The following ABRAXAS1 variants were observed in gnomAD, a reference collection of about 807,000 sequenced individuals.
ABRAXAS1 encodes the protein BRCA1-A complex subunit Abraxas 1.
ABRAXAS1 carries 26 observed loss-of-function variants against 38.4 expected under a neutral mutation model. The observed-to-expected ratio is 0.68, with a 90% CI of 0.50 to 0.94. The LOEUF is 0.94. Among genes scored for constraint, ABRAXAS1 ranks in the 40% least tolerant of loss-of-function variants. ABRAXAS1 has a pLI of 0.00. For synonymous variants in ABRAXAS1, 144 were observed against 165.5 expected (o/e 0.87, Z 1.00); for missense variants, 438 against 481.9 (o/e 0.91, Z 0.85).
intron 1 of ABRAXAS1, among the ~76,000 whole-genome samples, chr4:83,482,993 C>G (rs528074283): frequency 6.6e-6 from 1 of 152,300 alleles, no homozygotes; most frequent in East Asian, 1.9e-4. Flanking sequence ...TGGGACACCC[C>G]GAATGACTAC....
intron 6 of ABRAXAS1, among the ~76,000 whole-genome samples, chr4:83,467,775 G>A (rs1426970552): frequency 1.3e-5 from 2 of 152,152 alleles, no homozygotes; most frequent in African/African-American, 4.8e-5. Context: ...CCAAAAAGGC[G>A]AGGATGGGCG....
chr4:83,470,471 T>C (rs1722539272), intron 4 of ABRAXAS1, 75 bp from the exon 5 acceptor site: 14 of 1,055,174 alleles, frequency 1.3e-5, no homozygotes, highest in Non-Finnish European at 1.7e-5. Flanking sequence ...TTAAATAAAA[T>C]AAACAACCTT....
At chr4:83,463,056 T>A (rs1722200476) in intron 8 of ABRAXAS1, among the ~76,000 whole-genome samples, 154 bp from the exon 9 acceptor site, 1 of 152,254 alleles carries the variant, frequency 6.6e-6, no homozygotes, top group African/African-American at 2.4e-5. Flanking sequence ...CTAATTTATA[T>A]GCCACAGTAT....
intron 2 of ABRAXAS1, chr4:83,477,709 G>A: frequency 1.6e-6 from 1 of 620,164 alleles, no homozygotes; most frequent in South Asian, 1.4e-5. Flanking sequence ...ATAGACGGAT[G>A]TTTCATGCTT....
intron 3 of ABRAXAS1, 151 bp downstream of exon 3, chr4:83,476,492 T>C: frequency 2.0e-6 from 1 of 492,184 alleles, no homozygotes; most frequent in Non-Finnish European, 3.6e-6. Context: ...ACACAAGTGA[T>C]TTTTTCAGCT....
At position 83,470,885 on chromosome 4, in the gene ABRAXAS1, T is replaced by C. The variant is rs551057407; in HGVS notation, c.283-489A>G. Among the ~76,000 whole-genome samples the C allele has an allele frequency of 2.1e-4, 32 of 152,328 alleles. 1 individual carries two copies. The South Asian group carries it at 6.6e-3, about 32-fold the overall frequency. ...CTACCCGACAAACTTGGCTTCAAGA[T>C]TAAGATCACATTAAAGGATTTTGTA... On this transcript the variant is annotated intron_variant, in intron 4 of 8. Coordinates refer to ENST00000321945, the MANE Select transcript of ABRAXAS1 (RefSeq NM_139076.3).
chr4:83,463,026 AACAT>A (rs1722199976), intron 8 of ABRAXAS1, 124 bp from the exon 9 acceptor site: 7 of 651,740 alleles, frequency 1.1e-5, no homozygotes, highest in African/African-American at 9.2e-5. Context: ...AAGTGAGGAT[AACAT>A]ACATAATTCT....
At chr4:83,467,427 G>A (rs1466510665) in intron 7 of ABRAXAS1, 27 bp downstream of exon 7, 1 of 1,206,586 alleles carries the variant, frequency 8.3e-7, no homozygotes, top group South Asian at 1.2e-5. Flanking sequence ...TCTAGAAGTG[G>A]TTGACGTGTT....
rs888359921 is a variant in ABRAXAS1, at chr4:83,460,547, G to A, written c.*1922C>T. 3.0e-5 allele frequency: 6 copies of A among 200,774 alleles called. No homozygotes were observed. The highest frequency in any genetic ancestry group is 2.3e-3 in the Middle Eastern group (1 of 442). The allele number at this position is 200,774 out of a possible 1,614,324, so 12.4% of individuals were successfully genotyped here. A position where few individuals can be genotyped will look rare whatever the true frequency, so the allele number is the denominator to read the frequency against. On this transcript the variant is annotated 3_prime_UTR_variant, in exon 9 of 9. Coordinates refer to ENST00000321945, the MANE Select transcript of ABRAXAS1 (RefSeq NM_139076.3). The stretch of plus-strand genomic sequence containing the variant: ...GAGTGGCAGTGATGGAGACTGTATG[G>A]CCCACAAAACCTAGATTATTATTGT...
intron 1 of ABRAXAS1, among the ~76,000 whole-genome samples, chr4:83,482,487 T>G (rs568276944): frequency 6.6e-6 from 1 of 152,184 alleles, no homozygotes; most frequent in African/African-American, 2.4e-5. Context: ...GGTGGGCAGA[T>G]AGTTTGAACC....
chr4:83,480,959 C>T (rs1722982151), intron 2 of ABRAXAS1, among the ~76,000 whole-genome samples: 1 of 151,936 alleles, frequency 6.6e-6, no homozygotes, highest in Non-Finnish European at 1.5e-5. Flanking sequence ...AATGAAACCC[C>T]ATCTCTAATA....
rs1723133404 is a variant in ABRAXAS1, at chr4:83,485,014, A to G, written c.59T>C (p.Phe20Ser). The G allele has an allele frequency of 6.3e-7, 1 of 1,595,350 alleles. No homozygotes were observed. Among genetic ancestry groups the G allele is most frequent in the Non-Finnish European group, 8.5e-7 (1 of 1,171,546 alleles). ...GTCCGAGTCCGTGTTGAGGTGCTGGAAAGCGAGTGCGCCGAGCACAAAGCC... is the reference window on the plus strand; with the variant it reads ...GTCCGAGTCCGTGTTGAGGTGCTGGGAAGCGAGTGCGCCGAGCACAAAGCC... ...LSGFVLGALA[F>S]QHLNTDSDTE... is the part of the protein sequence containing the mutation. Residue 20 changes from phenylalanine to serine, a missense_variant, in exon 1 of 9, where the codon TTC (phenylalanine) becomes TCC (serine). Transcript: ENST00000321945.
intron 3 of ABRAXAS1, among the ~76,000 whole-genome samples, chr4:83,475,810 G>C (rs553230821): frequency 6.6e-6 from 1 of 152,100 alleles, no homozygotes; most frequent in Non-Finnish European, 1.5e-5. Flanking sequence ...CTCAATAAAA[G>C]CTAAAAAATA....
intron 2 of ABRAXAS1, among the ~76,000 whole-genome samples, chr4:83,480,660 A>G (rs1390065424): frequency 6.6e-6 from 1 of 152,200 alleles, no homozygotes; most frequent in Non-Finnish European, 1.5e-5. Context: ...ACCCTGTGAC[A>G]CAGTAATACC....
chr4:83,461,529 T>C lies in ABRAXAS1; in HGVS notation c.*940A>G. The C allele has an allele frequency of 3.1e-6, 1 of 323,950 alleles. No homozygotes were observed. The highest frequency in any genetic ancestry group is 9.2e-4 in the Middle Eastern group (1 of 1,090). 20.1% of individuals were successfully genotyped at this position (323,950 alleles called of 1,614,324 possible). A position where few individuals can be genotyped will look rare whatever the true frequency, so the allele number is the denominator to read the frequency against. On this transcript the variant is annotated 3_prime_UTR_variant, in exon 9 of 9. Transcript: ENST00000321945. The stretch of plus-strand genomic sequence containing the variant: ...CAAATATAAGTATGCCTGGTTAAGA[T>C]ATCTTCCCTTTGTAGAAATGTTACA...
rs556997749 is a variant in ABRAXAS1, at chr4:83,462,959, A to C, written c.797-57T>G. ...AACATTTCTTCTACAAAGCTTTTAT[A>C]ATTAACTATTTGTAAGTAAAATTAA... On this transcript the variant is annotated intron_variant, in intron 8 of 8. Transcript: ENST00000321945. 14 of 1,198,694 alleles carry C rather than the reference A, an allele frequency of 1.2e-5. No individual in the cohort carries two copies. The East Asian group carries it at 3.2e-4, about 27-fold the overall frequency. The allele number at this position is 1,198,694 out of a possible 1,614,324, so 74.3% of individuals were successfully genotyped here.
intron 6 of ABRAXAS1, among the ~76,000 whole-genome samples, chr4:83,468,421 C>G (rs2110038167): frequency 6.6e-6 from 1 of 151,990 alleles, no homozygotes; most frequent in East Asian, 1.9e-4. Context: ...AATCTAACCC[C>G]TTATTCTCAA....
chr4:83,462,485 C>G lies in ABRAXAS1; in HGVS notation c.1214G>C (p.Arg405Pro), dbSNP rs200281698. ...EKMKGFGEYS[R>P]SPTF is the part of the protein sequence containing the mutation. ...TTAAAAGGATCAAAATGTAGGAGAC[C>G]GTGAATATTCACCAAAACCCTTCAT... Residue 405 changes from arginine (R) to proline (P), a missense_variant, in exon 9 of 9, where the codon CGG becomes CCG. By Grantham distance (103) the Arg-to-Pro change is moderately radical. Coordinates refer to ENST00000321945, the MANE Select transcript of ABRAXAS1 (RefSeq NM_139076.3). The G allele has an allele frequency of 6.5e-5, 105 of 1,612,152 alleles. No individual in the cohort carries two copies. The highest frequency in any genetic ancestry group is 2.7e-5 in the African/African-American group (2 of 74,714).
intron 4 of ABRAXAS1, among the ~76,000 whole-genome samples, chr4:83,471,130 T>C (rs1722566504): frequency 1.4e-5 from 2 of 147,140 alleles, no homozygotes; most frequent in South Asian, 4.3e-4. Flanking sequence ...AATACTCAAA[T>C]AATAATTGGG....
Sources: allele counts gnomAD v4.1 joint callset (sites outside exome capture counted in the v4.1 genomes callset), GRCh38; gene constraint gnomAD v4.1.1; transcripts MANE v1.5; gene names NCBI Gene and HGNC (gene_info 2026-07-23, HGNC 2026-07-21).